The following AUTS2 variants were observed in gnomAD, a reference collection of about 807,000 sequenced individuals.
AUTS2 encodes the protein activator of transcription and developmental regulator AUTS2.
AUTS2 carries 17 observed loss-of-function variants against 112.4 expected under a neutral mutation model. The observed-to-expected ratio is 0.15, with a 90% CI of 0.10 to 0.23. The LOEUF (loss-of-function observed/expected upper bound fraction) is 0.23, where lower values mean the gene tolerates loss of function less well. AUTS2 is among the 10% of genes least tolerant of loss of function. The pLI, the probability that AUTS2 is intolerant of heterozygous loss-of-function variation, is 1.00. For synonymous variants in AUTS2, 751 were observed against 702.7 expected, an observed-to-expected ratio of 1.07 and a Z score of -1.09; for missense variants, 1,510 against 1,701.6, an observed-to-expected ratio of 0.89 and a Z score of 1.98.
At chr7:69,614,936 C>T (rs767085451) in intron 1 of AUTS2, among the ~76,000 whole-genome samples, 4 of 152,220 alleles carry the variant, frequency 2.6e-5, no homozygotes, top group Non-Finnish European at 5.9e-5. Context: ...TTCTATTTTA[C>T]AGATTGTAAT....
chr7:69,612,860 T>G (rs533021046), intron 1 of AUTS2, among the ~76,000 whole-genome samples: 1 of 152,364 alleles, frequency 6.6e-6, no homozygotes, highest in East Asian at 1.9e-4. Flanking sequence ...CTTTCAGAAC[T>G]GTTTCTTTCT....
At chr7:70,304,716 A>AC (rs1340408194) in intron 4 of AUTS2, among the ~76,000 whole-genome samples, 1 of 125,058 alleles carries the variant, frequency 8.0e-6, no homozygotes, top group Non-Finnish European at 1.7e-5. Flanking sequence ...TGGATTTTTA[A>AC]CTTTTTTTTT....
chr7:70,430,993 G>A (rs1795639460), intron 4 of AUTS2, among the ~76,000 whole-genome samples: 1 of 151,878 alleles, frequency 6.6e-6, no homozygotes. Flanking sequence ...CCGCCAGCAC[G>A]CCCAGCTAAT....
At position 70,694,345 on chromosome 7, in the gene AUTS2, G is replaced by C. The variant is rs1808937864; in HGVS notation, c.691-4224G>C. The C allele has an allele frequency of 6.7e-6, 1 of 149,024 alleles. No individual in the cohort carries two copies. The highest frequency in any genetic ancestry group is 2.0e-4 in the East Asian group (1 of 4,986). The allele number at this position is 149,024 out of a possible 1,614,324, so 9.2% of individuals were successfully genotyped here. On this transcript the variant is annotated intron_variant, in intron 5 of 18. Coordinates refer to ENST00000342771, the MANE Select transcript of AUTS2 (RefSeq NM_015570.4). This position sits in a 1 kb window ranked among gnomAD's most constrained non-coding sequence, Gnocchi z 4.1. ...TGCAGCGCCTCCTGGGCCGCGCGCC[G>C]GCGAGATCCGCACAAAATCCAGACT... is the stretch of plus-strand genomic sequence containing the variant.
At chr7:69,967,418 C>A (rs1797675750) in intron 2 of AUTS2, among the ~76,000 whole-genome samples, 1 of 152,022 alleles carries the variant, frequency 6.6e-6, no homozygotes, top group African/African-American at 2.4e-5. Flanking sequence ...CCGGCCAACA[C>A]AGAAACACAG....
In AUTS2 at chr7:70,115,923, G is replaced by GTTAC. The variant is rs558472406; in HGVS notation, c.523-2209_523-2208insTTAC. On this transcript the variant is annotated intron_variant, in intron 2 of 18. Coordinates refer to ENST00000342771, the MANE Select transcript of AUTS2 (RefSeq NM_015570.4). Reference sequence around the variant, plus strand: ...GACATCAGAAGCACAGAGAAGGTAAGGGTGAACATTCCAGAGGGAATATGG... The same window carrying GTTAC: ...GACATCAGAAGCACAGAGAAGGTAAGTTACGGTGAACATTCCAGAGGGAATATGG... Among the ~76,000 whole-genome samples, 931 of 152,244 alleles carry GTTAC rather than the reference G, an allele frequency of 6.1e-3. 5 individuals carry two copies. The highest frequency in any genetic ancestry group is 0.01 in the Middle Eastern group (3 of 292).
intron 4 of AUTS2, among the ~76,000 whole-genome samples, chr7:70,280,302 C>A (rs1488934628): frequency 2.1e-5 from 3 of 141,632 alleles, no homozygotes; most frequent in Non-Finnish European, 4.6e-5. Flanking sequence ...TTTTTTTTTC[C>A]GAGACAGAGT....
At chr7:69,631,508 G>A (rs577300291) in intron 1 of AUTS2, among the ~76,000 whole-genome samples, 1 of 152,318 alleles carries the variant, frequency 6.6e-6, no homozygotes, top group East Asian at 1.9e-4. Flanking sequence ...CAGCCAAACA[G>A]CCTGGTGGTT....
At chr7:69,646,732 G>A (rs1006606428) in intron 1 of AUTS2, among the ~76,000 whole-genome samples, 2 of 152,214 alleles carry the variant, frequency 1.3e-5, no homozygotes, top group Non-Finnish European at 2.9e-5. Context: ...CAGGAGGCCA[G>A]GCTGTCTTTG....
chr7:70,697,580 A>T, intron 5 of AUTS2, among the ~76,000 whole-genome samples: 1 of 113,876 alleles, frequency 8.8e-6, no homozygotes, highest in Non-Finnish European at 1.7e-5. Flanking sequence ...CATTTCCTAT[A>T]TTTCCTTTTT....
intron 5 of AUTS2, among the ~76,000 whole-genome samples, chr7:70,664,889 A>G (rs147778687): frequency 2.5e-4 from 38 of 152,296 alleles, no homozygotes; most frequent in African/African-American, 8.4e-4. Flanking sequence ...TGGGCAACAT[A>G]GCAAGATCCC....
chr7:69,886,229 T>G (rs1190187472), intron 1 of AUTS2, among the ~76,000 whole-genome samples: 1 of 152,224 alleles, frequency 6.6e-6, no homozygotes, highest in African/African-American at 2.4e-5. Flanking sequence ...AATAGGCATA[T>G]ATGCACTTGT....
intron 2 of AUTS2, among the ~76,000 whole-genome samples, chr7:70,008,512 GTA>G (rs1164212854): frequency 3.9e-5 from 6 of 152,204 alleles, no homozygotes; most frequent in Non-Finnish European, 5.9e-5. Context: ...AGTGGCCTGT[GTA>G]TGGGTATGCC....
At chr7:69,647,856 G>T (rs935324670) in intron 1 of AUTS2, among the ~76,000 whole-genome samples, 11 of 152,130 alleles carry the variant, frequency 7.2e-5, no homozygotes, top group African/African-American at 2.2e-4. Flanking sequence ...CTAGCTTCTG[G>T]TAGTTTATTG....
intron 1 of AUTS2, among the ~76,000 whole-genome samples, chr7:69,795,637 G>C (rs773451953): frequency 6.6e-6 from 1 of 152,222 alleles, no homozygotes; most frequent in Non-Finnish European, 1.5e-5. Flanking sequence ...AGCAGTGGCA[G>C]CAGACATGAA....
chr7:70,677,569 C>T (rs1429084159), intron 5 of AUTS2, among the ~76,000 whole-genome samples: 1 of 152,120 alleles, frequency 6.6e-6, no homozygotes, highest in East Asian at 1.9e-4. Context: ...TGTCTCCTGC[C>T]ATTTTCCTCG....
At chr7:69,841,144 A>AATAC (rs1408297488) in intron 1 of AUTS2, among the ~76,000 whole-genome samples, 2 of 152,186 alleles carry the variant, frequency 1.3e-5, no homozygotes, top group Admixed American at 6.6e-5. Context: ...AAAAATGTTT[A>AATAC]ACCTGAATCT....
intron 5 of AUTS2, among the ~76,000 whole-genome samples, chr7:70,661,108 G>A (rs543732136): frequency 3.3e-5 from 5 of 151,686 alleles, no homozygotes; most frequent in East Asian, 1.9e-4. Flanking sequence ...CTCCAGAGCC[G>A]GCATTTGAAT....
At chr7:70,514,292 T>G (rs1209235660) in intron 5 of AUTS2, among the ~76,000 whole-genome samples, 1 of 152,234 alleles carries the variant, frequency 6.6e-6, no homozygotes, top group Non-Finnish European at 1.5e-5. Context: ...TGTTAGTCTG[T>G]TTTGCATTGC....
Sources: allele counts gnomAD v4.1 joint callset (sites outside exome capture counted in the v4.1 genomes callset), GRCh38; gene constraint gnomAD v4.1.1; non-coding constraint Gnocchi (gnomAD v3.1); transcripts MANE v1.5; gene names NCBI Gene and HGNC (gene_info 2026-07-23, HGNC 2026-07-21).